RBFOX1: variants seen among roughly 807,000 people sequenced by gnomAD.
The protein encoded by RBFOX1 is RNA binding protein fox-1 homolog 1.
A neutral mutation model predicts 57.7 loss-of-function variants in RBFOX1; 8 were observed. That is an observed-to-expected ratio of 0.14 (90% confidence interval 0.08 to 0.25). RBFOX1 has a LOEUF of 0.25. Ranked by LOEUF, RBFOX1 falls within the 10% of genes least tolerant of loss-of-function variation. The pLI, the probability that RBFOX1 is intolerant of heterozygous loss-of-function variation, is 1.00. For synonymous variants in RBFOX1, 326 were observed against 222.4 expected (o/e 1.47, Z -4.15); for missense variants, 611 against 548.5 (o/e 1.11, Z -1.14).
intron 2 of RBFOX1, among the ~76,000 whole-genome samples, chr16:6,507,290 C>T (rs2096126085): frequency 6.6e-6 from 1 of 151,776 alleles, no homozygotes; most frequent in African/African-American, 2.4e-5. Context: ...AGCATGTTTA[C>T]AATAAAAAAG....
chr16:5,354,192 T>C (rs897603874), intron 1 of RBFOX1, among the ~76,000 whole-genome samples: 1 of 152,224 alleles, frequency 6.6e-6, no homozygotes, highest in African/African-American at 2.4e-5. Context: ...GCTGTTCCTG[T>C]CGGCCTTGGC....
At chr16:7,697,316 A>C (rs1339570471) in intron 14 of RBFOX1, among the ~76,000 whole-genome samples, 3 of 152,120 alleles carry the variant, frequency 2.0e-5, no homozygotes, top group Admixed American at 2.0e-4. Context: ...CGAGTCTGTT[A>C]AATGTCCACT....
At chr16:5,978,077 G>T (rs906543891) in intron 4 of RBFOX1, among the ~76,000 whole-genome samples, 1 of 136,488 alleles carries the variant, frequency 7.3e-6, no homozygotes, top group African/African-American at 2.7e-5. Context: ...TCACTTGCAG[G>T]GCAGGAGTTT....
At chr16:6,946,554 G>C (rs1568017866) in intron 3 of RBFOX1, among the ~76,000 whole-genome samples, 1 of 152,074 alleles carries the variant, frequency 6.6e-6, no homozygotes, top group Non-Finnish European at 1.5e-5. Context: ...TTTCATAAAA[G>C]CTTCTTGCAT....
At chr16:6,441,080 G>C (rs2094368760) in intron 2 of RBFOX1, among the ~76,000 whole-genome samples, 1 of 151,576 alleles carries the variant, frequency 6.6e-6, no homozygotes, top group Admixed American at 6.6e-5. Flanking sequence ...GATGACCAGA[G>C]TCATGGCGGA....
intron 3 of RBFOX1, among the ~76,000 whole-genome samples, chr16:6,991,338 G>C (rs1381714612): frequency 6.6e-6 from 1 of 151,962 alleles, no homozygotes; most frequent in South Asian, 2.1e-4. Context: ...CTCCATTTCA[G>C]CTAATACATC....
At chr16:5,638,079 A>G (rs1050220467) in intron 3 of RBFOX1, among the ~76,000 whole-genome samples, 3 of 152,232 alleles carry the variant, frequency 2.0e-5, no homozygotes, top group Admixed American at 6.5e-5. Flanking sequence ...GCAACAAGAG[A>G]TTAATCTTAG....
intron 3 of RBFOX1, among the ~76,000 whole-genome samples, chr16:7,034,507 C>T (rs1432007130): frequency 2.0e-5 from 3 of 152,090 alleles, no homozygotes; most frequent in Non-Finnish European, 2.9e-5. Context: ...ATCTCTAGGG[C>T]ACTTCAGAAA....
chr16:6,238,159 T>G (rs1300002999), intron 1 of RBFOX1, among the ~76,000 whole-genome samples: 3 of 151,374 alleles, frequency 2.0e-5, no homozygotes, highest in Non-Finnish European at 4.4e-5. Flanking sequence ...GAAATGTCTG[T>G]GAAGTATCTG....
intron 1 of RBFOX1, among the ~76,000 whole-genome samples, chr16:6,158,514 T>C (rs2096854595): frequency 6.6e-6 from 1 of 152,246 alleles, no homozygotes; most frequent in Non-Finnish European, 1.5e-5. Context: ...TACTTATACA[T>C]GATTGCCTTT....
chr16:5,886,367 G>C (rs1270781503), intron 4 of RBFOX1, among the ~76,000 whole-genome samples: 5 of 152,200 alleles, frequency 3.3e-5, no homozygotes, highest in Admixed American at 1.3e-4. Context: ...ACCCAGCAAA[G>C]TAAGGCTTTA....
At chr16:7,307,210 G>A (rs1459698708) in intron 4 of RBFOX1, among the ~76,000 whole-genome samples, 6 of 152,174 alleles carry the variant, frequency 3.9e-5, no homozygotes, top group Non-Finnish European at 2.9e-5. Flanking sequence ...CGGCCATCGA[G>A]TCTTCCCTGA....
chr16:7,474,319 GC>G (rs776423404), intron 4 of RBFOX1, among the ~76,000 whole-genome samples: 5 of 152,012 alleles, frequency 3.3e-5, no homozygotes, highest in Admixed American at 3.3e-4. Context: ...ACAAAAAGCA[GC>G]CCCCCATCTC....
chr16:6,930,791 T>G (rs2076377001), intron 3 of RBFOX1, among the ~76,000 whole-genome samples: 1 of 152,116 alleles, frequency 6.6e-6, no homozygotes, highest in East Asian at 1.9e-4. Flanking sequence ...AGCTATACAG[T>G]TTTCTCACTT....
chr16:6,833,801 T>C (rs1011445057), intron 3 of RBFOX1, among the ~76,000 whole-genome samples: 1 of 151,986 alleles, frequency 6.6e-6, no homozygotes, highest in African/African-American at 2.4e-5. Context: ...AGCATTGAGG[T>C]TGATGGGTAG....
intron 4 of RBFOX1, among the ~76,000 whole-genome samples, chr16:7,124,922 C>A (rs750321831): frequency 6.6e-6 from 1 of 152,052 alleles, no homozygotes; most frequent in African/African-American, 2.4e-5. Context: ...TAATTAAAAT[C>A]TGAGCCCTGG....
At chr16:6,493,582 C>G (rs115280561) in intron 2 of RBFOX1, among the ~76,000 whole-genome samples, 1 of 152,068 alleles carries the variant, frequency 6.6e-6, no homozygotes, top group Non-Finnish European at 1.5e-5. Context: ...GCCGAATTTC[C>G]CACTGTGAAA....
At chr16:7,017,926 T>G (rs914460064) in intron 3 of RBFOX1, among the ~76,000 whole-genome samples, 1 of 152,182 alleles carries the variant, frequency 6.6e-6, no homozygotes, top group Non-Finnish European at 1.5e-5. Context: ...AATGCTATAT[T>G]TGCAAACTGT....
In RBFOX1 at chr16:7,582,571, A is replaced by G. The variant is rs529206946; in HGVS notation, c.414+2651A>G. 4.6e-5 allele frequency among the ~76,000 whole-genome samples: 7 copies of G among 152,330 alleles called. No individual in the cohort carries two copies. The East Asian group carries it at 1.2e-3, about 25-fold the overall frequency. On this transcript the variant is annotated intron_variant, in intron 6 of 15. Transcript: ENST00000550418. The stretch of plus-strand genomic sequence containing the variant: ...AGTGGCAGGAATCACATTGTGAAGC[A>G]TCTGTAAACATTCTCATTGGCTCCC...
Sources: gnomAD v4.1 joint callset for allele counts (sites outside exome capture counted in the v4.1 genomes callset) on GRCh38, gnomAD v4.1.1 for gene constraint, MANE v1.5 for transcripts, NCBI Gene and HGNC (gene_info 2026-07-23, HGNC 2026-07-21) for gene names.